Variants in SFXN5 observed in about 807,000 individuals in gnomAD.
The protein encoded by SFXN5 is sideroflexin-5.
SFXN5 carries 43 observed loss-of-function variants against 50.2 expected under a neutral mutation model. The observed-to-expected ratio is 0.86, with a 90% confidence interval of 0.67 to 1.11. SFXN5 has a LOEUF of 1.11. Among genes scored for constraint, SFXN5 ranks in the 50% least tolerant of loss-of-function variants. The pLI is 0.00. For missense variants in SFXN5, 463 were observed against 454.1 expected (o/e 1.02, Z -0.18); for synonymous variants, 203 against 185.8 (o/e 1.09, Z -0.75).
intron 1 of SFXN5, chr2:73,070,464 GCA>G (rs1225190576): frequency 6.6e-6 from 1 of 152,288 alleles, no homozygotes; most frequent in Non-Finnish European, 1.5e-5. Context: ...ACCGACCTTA[GCA>G]CAATTTCCTT....
chr2:73,029,034 C>T (rs1457874675), intron 3 of SFXN5, among the ~76,000 whole-genome samples: 1 of 152,186 alleles, frequency 6.6e-6, no homozygotes, highest in Non-Finnish European at 1.5e-5. Context: ...GCCTATGATT[C>T]CCAGCCTCCC....
chr2:72,979,615 CAG>C (rs1291305770), intron 10 of SFXN5, among the ~76,000 whole-genome samples: 2 of 152,132 alleles, frequency 1.3e-5, no homozygotes, highest in African/African-American at 4.8e-5. Flanking sequence ...GCCTGGGTGA[CAG>C]AGCAAGACTC....
At chr2:72,999,188 A>G (rs911499260) in intron 8 of SFXN5, among the ~76,000 whole-genome samples, 174 bp from the exon 9 acceptor site, 4 of 152,308 alleles carry the variant, frequency 2.6e-5, no homozygotes, top group African/African-American at 2.4e-5. Context: ...TCAGTTCCCA[A>G]TGCAGAAATA....
In SFXN5 at chr2:72,961,138, A is replaced by T. The variant is rs1673681397; in HGVS notation, c.938T>A (p.Met313Lys). ...LPLAISLFPQ[M>K]SEIETSQLEP... is the part of the protein sequence containing the mutation. ...GAGCCCCTCCCCACTGACCTCTGAC[A>T]TTTGCGGGAAGAGGCTGATGGCCAG... The change falls in exon 13 of 14, where the codon ATG becomes AAG. Residue 313 changes from methionine to lysine, a missense_variant. Coordinates refer to ENST00000272433, the MANE Select transcript of SFXN5 (RefSeq NM_144579.3). This position sits in a 1 kb window ranked among gnomAD's most constrained non-coding sequence, Gnocchi z 4.4. 6.3e-7 allele frequency: 1 copy of T among 1,583,764 alleles called. No individual in the cohort carries two copies. The highest frequency in any genetic ancestry group is 1.4e-5 in the African/African-American group (1 of 73,126).
At chr2:72,995,423 A>C (rs969834313) in intron 9 of SFXN5, among the ~76,000 whole-genome samples, 4 of 152,206 alleles carry the variant, frequency 2.6e-5, no homozygotes, top group African/African-American at 9.6e-5. Context: ...TCCTGCAACC[A>C]GCAGGAGTCT....
intron 2 of SFXN5, among the ~76,000 whole-genome samples, chr2:73,057,856 T>C (rs1041276897): frequency 6.6e-6 from 1 of 152,186 alleles, no homozygotes; most frequent in Non-Finnish European, 1.5e-5. Flanking sequence ...TGCCACCTTG[T>C]GAAGAAGGTG....
intron 2 of SFXN5, chr2:73,041,708 TTC>T: frequency 2.8e-6 from 1 of 351,280 alleles, no homozygotes; most frequent in South Asian, 2.1e-5. Context: ...GATTTTTCCT[TTC>T]TCTTTTTCCT....
At chr2:73,020,647 G>A (rs557789997) in intron 5 of SFXN5, 3 of 196,552 alleles carry the variant, frequency 1.5e-5, no homozygotes, top group East Asian at 1.2e-4. Flanking sequence ...ATCCTCCAAG[G>A]ACCCCAGAAT....
chr2:73,056,081 T>C (rs941106559), intron 2 of SFXN5, among the ~76,000 whole-genome samples: 3 of 152,156 alleles, frequency 2.0e-5, no homozygotes, highest in Non-Finnish European at 4.4e-5. Context: ...GAGGCTGCAA[T>C]GAGCTGAGAA....
chr2:73,064,680 G>T (rs909315440), intron 1 of SFXN5, among the ~76,000 whole-genome samples: 2 of 152,210 alleles, frequency 1.3e-5, no homozygotes, highest in African/African-American at 2.4e-5. Context: ...ATACCCCAGA[G>T]GGAGCCCTGT....
chr2:73,030,668 T>C (rs1045920952), intron 3 of SFXN5, among the ~76,000 whole-genome samples: 32 of 128,108 alleles, frequency 2.5e-4, no homozygotes, highest in African/African-American at 1.2e-3. Flanking sequence ...CTCCAGCTCC[T>C]GGAAACCGCG....
At chr2:73,023,054 G>T in intron 4 of SFXN5, 134 bp downstream of exon 4, 2 of 774,642 alleles carry the variant, frequency 2.6e-6, no homozygotes, top group African/African-American at 1.8e-5. Flanking sequence ...AGAAGGAAGG[G>T]GTGAGGGGGC....
At position 73,033,564 on chromosome 2, in the gene SFXN5, G is replaced by C. The variant is rs537711259; in HGVS notation, c.249+7290C>G. Reference sequence around the variant, plus strand: ...AATGAGTCATGCAGCTATCTAGTGGGAGATTGCTCTGGTAGACAGAACAGC... The same window carrying C: ...AATGAGTCATGCAGCTATCTAGTGGCAGATTGCTCTGGTAGACAGAACAGC... On this transcript the variant is annotated intron_variant, in intron 3 of 13. Coordinates refer to ENST00000272433, the MANE Select transcript of SFXN5 (RefSeq NM_144579.3). Among the ~76,000 whole-genome samples the C allele has an allele frequency of 3.9e-5, 6 of 152,340 alleles. No homozygotes were observed. The South Asian group carries it at 1.2e-3, about 32-fold the overall frequency.
At chr2:73,069,791 T>A (rs1455807669) in intron 1 of SFXN5, among the ~76,000 whole-genome samples, 6 of 149,136 alleles carry the variant, frequency 4.0e-5, no homozygotes, top group African/African-American at 7.4e-5. Flanking sequence ...TAGTGCCACA[T>A]ACAGATAACA....
At chr2:73,026,238 G>C (rs934989461) in intron 3 of SFXN5, among the ~76,000 whole-genome samples, 1 of 150,190 alleles carries the variant, frequency 6.7e-6, no homozygotes, top group Non-Finnish European at 1.5e-5. Context: ...AGTGATTCTT[G>C]TGCCTCAGCC....
chr2:73,047,903 A>G (rs1401533077), intron 2 of SFXN5, among the ~76,000 whole-genome samples: 1 of 152,238 alleles, frequency 6.6e-6, no homozygotes, highest in East Asian at 1.9e-4. Flanking sequence ...TTTCTGTAAG[A>G]GGATATTTAT....
Position 73,025,735 on chromosome 2 carries a change from C to T in SFXN5, c.250-2521G>A, listed in dbSNP as rs950744255. Reference sequence around the variant, plus strand: ...CTCAGTGGGAGTGAGTGGGCTCAGCCCAACTAGAGCTCCAGACACCAGGAA... The same window carrying T: ...CTCAGTGGGAGTGAGTGGGCTCAGCTCAACTAGAGCTCCAGACACCAGGAA... On this transcript the variant is annotated intron_variant, in intron 3 of 13. Transcript: ENST00000272433. Among the ~76,000 whole-genome samples the T allele has an allele frequency of 5.3e-5, 8 of 152,084 alleles. 1 individual carries two copies. The highest frequency in any genetic ancestry group is 1.0e-4 in the Non-Finnish European group (7 of 68,010).
At position 72,957,200 on chromosome 2, in the gene SFXN5, C is replaced by A. The variant is rs1012910022; in HGVS notation, c.945+3931G>T. The A allele has an allele frequency of 1.7e-5, 7 of 411,304 alleles. 1 individual carries two copies. The highest frequency in any genetic ancestry group is 3.5e-4 in the Middle Eastern group (1 of 2,872). The allele number at this position is 411,304 out of a possible 1,614,324, so 25.5% of individuals were successfully genotyped here. A position where few individuals can be genotyped will look rare whatever the true frequency, so the allele number is the denominator to read the frequency against. On this transcript the variant is annotated intron_variant, in intron 13 of 13. Transcript: ENST00000272433. ...AAACTCTCTCCCCAGAGCCATCTGACTGTCTAGGAATCATCTCTTGATGTT... is the reference window on the plus strand; with the variant it reads ...AAACTCTCTCCCCAGAGCCATCTGAATGTCTAGGAATCATCTCTTGATGTT...
rs137947264 is a variant in SFXN5 at position 73,059,336 on chromosome 2, C to T, written c.103-740G>A. ...AGGGGAAGACAGAGGGTGCCAAGCT[C>T]GGGGATGAAGGGGAAGCTGCAATCG... On this transcript the variant is annotated intron_variant, in intron 1 of 13. Transcript: ENST00000272433. 6.2e-4 allele frequency: 615 copies of T among 985,398 alleles called. 2 individuals carry two copies. The African/African-American group carries it at 0.01, about 16-fold the overall frequency. The allele number at this position is 985,398 out of a possible 1,614,324, so 61.0% of individuals were successfully genotyped here.
Sources: allele counts gnomAD v4.1 joint callset (sites outside exome capture counted in the v4.1 genomes callset), GRCh38; gene constraint gnomAD v4.1.1; non-coding constraint Gnocchi (gnomAD v3.1); transcripts MANE v1.5; gene names NCBI Gene and HGNC (gene_info 2026-07-23, HGNC 2026-07-21).